Variants in GRID2 observed in about 807,000 individuals in gnomAD.
The protein encoded by GRID2 is glutamate receptor ionotropic, delta-2.
Under a neutral mutation model 114.8 loss-of-function variants are expected in GRID2, and 33 were observed. The ratio of observed to expected loss-of-function variants is 0.29; its 90% CI spans 0.22 to 0.38. The LOEUF (loss-of-function observed/expected upper bound fraction) is 0.38, where lower values mean the gene tolerates loss of function less well. Among genes scored for constraint, GRID2 ranks in the 10% least tolerant of loss-of-function variants. The pLI is 1.00. For missense variants in GRID2, 1,184 were observed against 1,257.7 expected (o/e 0.94, Z 0.89); for synonymous variants, 505 against 449.9 (o/e 1.12, Z -1.55).
At chr4:93,351,589 C>T (rs17020486) in intron 8 of GRID2, among the ~76,000 whole-genome samples, 1 of 151,974 alleles carries the variant, frequency 6.6e-6, no homozygotes, top group African/African-American at 2.4e-5. Context: ...ACAATCAGAA[C>T]TTTGTTTCAT....
chr4:92,439,555 G>C (rs998682447), intron 1 of GRID2, among the ~76,000 whole-genome samples: 3 of 151,440 alleles, frequency 2.0e-5, no homozygotes, highest in African/African-American at 7.3e-5. Context: ...TGGGAACCTA[G>C]AGTGGGAGAG....
intron 8 of GRID2, among the ~76,000 whole-genome samples, chr4:93,331,208 A>C (rs928603967): frequency 6.8e-6 from 1 of 146,000 alleles, no homozygotes; most frequent in Non-Finnish European, 1.5e-5. Flanking sequence ...GAGACTCCAG[A>C]GACACTATGT....
Position 92,742,499 on chromosome 4 carries a change from T to A in GRID2, c.244+152213T>A, listed in dbSNP as rs17019850. Among the ~76,000 whole-genome samples the A allele has an allele frequency of 8.8e-3, 1,340 of 152,280 alleles. 25 individuals carry two copies. Among genetic ancestry groups the A allele is most frequent in the African/African-American group, 0.03 (1,264 of 41,556 alleles). On this transcript the variant is annotated intron_variant, in intron 2 of 15. Transcript: ENST00000282020. ...GACACATTCTCTTAATCTCTATGCA[T>A]TTTTCTTTAATCTTTCAGAGGTTTC...
At chr4:92,876,340 C>A (rs1745629743) in intron 2 of GRID2, among the ~76,000 whole-genome samples, 1 of 150,954 alleles carries the variant, frequency 6.6e-6, no homozygotes. Context: ...GCTCTGTCGC[C>A]CAGGCTGGAG....
intron 4 of GRID2, among the ~76,000 whole-genome samples, chr4:93,122,714 T>G (rs958008620): frequency 3.3e-5 from 5 of 151,952 alleles, no homozygotes; most frequent in Non-Finnish European, 5.9e-5. Context: ...AAAAAATAAC[T>G]GGCTTAAAAA....
chr4:92,388,441 AC>A (rs1730083204), intron 1 of GRID2, among the ~76,000 whole-genome samples: 1 of 151,796 alleles, frequency 6.6e-6, no homozygotes, highest in Non-Finnish European at 1.5e-5. Context: ...TGCCTCCTAC[AC>A]CTTGCCATGA....
At chr4:92,915,418 T>A (rs768372086) in intron 2 of GRID2, among the ~76,000 whole-genome samples, 6 of 152,118 alleles carry the variant, frequency 3.9e-5, no homozygotes, top group Admixed American at 2.6e-4. Context: ...ATGTTCTGGT[T>A]TTTCATCTGG....
chr4:93,357,136 G>A (rs1410711173), intron 8 of GRID2, among the ~76,000 whole-genome samples: 1 of 151,282 alleles, frequency 6.6e-6, no homozygotes, highest in Non-Finnish European at 1.5e-5. Flanking sequence ...CCCTCTTACA[G>A]GTTATAACAA....
At position 93,637,393 on chromosome 4, in the gene GRID2, C is replaced by T. The variant is rs750288744; in HGVS notation, c.2360+10958C>T. On this transcript the variant is annotated intron_variant, in intron 14 of 15. Coordinates refer to ENST00000282020, the MANE Select transcript of GRID2 (RefSeq NM_001510.4). ...CCAAAATCCTAAAACTGATAAGTGA[C>T]AAAGCCAGGCTTTGAACCCATGCTG... Among the ~76,000 whole-genome samples the T allele has an allele frequency of 4.5e-4, 69 of 152,242 alleles. No individual in the cohort carries two copies. The Middle Eastern group carries it at 0.014, about 30-fold the overall frequency.
chr4:92,528,924 G>T (rs533123601), intron 1 of GRID2, among the ~76,000 whole-genome samples: 1 of 151,934 alleles, frequency 6.6e-6, no homozygotes, highest in Admixed American at 6.6e-5. Flanking sequence ...TGTGGGACTG[G>T]TAAAAAGTCT....
rs750331613 is a variant in GRID2 at position 93,515,346 on chromosome 4, C to T, written c.2128C>T (p.Arg710Trp). The T allele has an allele frequency of 1.4e-5, 23 of 1,612,558 alleles. No individual in the cohort carries two copies. Among genetic ancestry groups the T allele is most frequent in the East Asian group, 8.9e-5 (4 of 44,818 alleles). ...ERDSMYSQMW[R>W]MINRSNGSEN... ...GGACAGCATGTATTCCCAAATGTGG[C>T]GGATGATCAACCGAAGCAATGGATC... Residue 710 changes from arginine to tryptophan, a missense_variant, in exon 13 of 16, where the codon CGG becomes TGG. Arg to Trp is a moderately radical substitution (Grantham distance 101). Around this residue, in one of 3 missense-constraint regions of GRID2, gnomAD observed 717 missense variants for 796.9 expected, o/e 0.90. Transcript: ENST00000282020.
At position 93,389,864 on chromosome 4, in the gene GRID2, C is replaced by T. The variant is rs181332140; in HGVS notation, c.1246-5743C>T. On this transcript the variant is annotated intron_variant, in intron 8 of 15. Coordinates refer to ENST00000282020, the MANE Select transcript of GRID2 (RefSeq NM_001510.4). ...GGAGTGCAGTGGCACCCTCGGCTCA[C>T]GGCAACCTCCATCTCCCAGGTTCAA... 1.4e-3 allele frequency among the ~76,000 whole-genome samples: 212 copies of T among 151,916 alleles called. 6 individuals are homozygous for T. Among genetic ancestry groups the T allele is most frequent in the Admixed American group, 1.4e-3 (21 of 15,250 alleles).
intron 4 of GRID2, among the ~76,000 whole-genome samples, chr4:93,142,705 T>C (rs1735881876): frequency 1.3e-5 from 2 of 152,196 alleles, no homozygotes; most frequent in South Asian, 4.1e-4. Flanking sequence ...TTATTTTTCA[T>C]GCTATTCAAC....
At chr4:93,194,226 GAA>G (rs1347314352) in intron 4 of GRID2, among the ~76,000 whole-genome samples, 4 of 152,022 alleles carry the variant, frequency 2.6e-5, no homozygotes, top group African/African-American at 9.7e-5. Context: ...CATGGTAGTG[GAA>G]AAAAGTTTAT....
downstream of GRID2, chr4:93,810,258 A>AC (rs1735107312): frequency 6.6e-6 from 1 of 152,192 alleles, no homozygotes; most frequent in Non-Finnish European, 1.5e-5. Flanking sequence ...CCCCAAGCAG[A>AC]AAACTCTTCC....
intron 2 of GRID2, among the ~76,000 whole-genome samples, chr4:92,881,941 T>C (rs751115429): frequency 6.6e-6 from 1 of 152,212 alleles, no homozygotes; most frequent in Non-Finnish European, 1.5e-5. Flanking sequence ...TGTTACTAAA[T>C]AGTATGTTAG....
In GRID2 at chr4:93,796,315, T is replaced by C. The variant is rs185577090; in HGVS notation, c.222-10400T>C. Reference sequence around the variant, plus strand: ...CCCTACACGCAAAGAAGGAGGATTATATAAAACTCATATAGCACAGGGGGA... The same window carrying C: ...CCCTACACGCAAAGAAGGAGGATTACATAAAACTCATATAGCACAGGGGGA... On this transcript the variant is annotated intron_variant, in intron 1 of 1. Coordinates refer to the GRID2 transcript ENST00000637838. 4.1e-4 allele frequency among the ~76,000 whole-genome samples: 62 copies of C among 152,290 alleles called. 2 individuals carry two copies. The highest frequency in any genetic ancestry group is 2.9e-3 in the South Asian group (14 of 4,830).
At chr4:92,936,610 C>T (rs912246164) in intron 2 of GRID2, among the ~76,000 whole-genome samples, 21 of 145,898 alleles carry the variant, frequency 1.4e-4, no homozygotes, top group African/African-American at 5.1e-4. Context: ...AAAACTTCAA[C>T]ATCAAATTTG....
In GRID2 at chr4:92,935,859, G is replaced by A. The variant is rs1185294040; in HGVS notation, c.245-149136G>A. On this transcript the variant is annotated intron_variant, in intron 2 of 15. Coordinates refer to ENST00000282020, the MANE Select transcript of GRID2 (RefSeq NM_001510.4). ...ATGAGAACACATGGACACAGGAAGG[G>A]GAACATCACACTCTGGGGACTGTTG... 4.9e-5 allele frequency among the ~76,000 whole-genome samples: 7 copies of A among 141,910 alleles called. No individual in the cohort carries two copies. The East Asian group carries it at 1.6e-3, about 33-fold the overall frequency. 93.1% of individuals were successfully genotyped at this position (141,910 alleles called of 152,430 possible).
Sources: gnomAD v4.1 joint callset for allele counts (sites outside exome capture counted in the v4.1 genomes callset) on GRCh38, gnomAD v4.1.1 for gene constraint, gnomAD v4.1.1 regional missense constraint, MANE v1.5 for transcripts, NCBI Gene and HGNC (gene_info 2026-07-23, HGNC 2026-07-21) for gene names.